The following OPCML variants were observed in gnomAD, a reference collection of about 807,000 sequenced individuals.
The protein encoded by OPCML is opioid binding protein/cell adhesion molecule like.
Under a neutral mutation model 37.8 loss-of-function variants are expected in OPCML, and 13 were observed. The observed-to-expected ratio is 0.34, with a 90% CI of 0.22 to 0.55. OPCML has a LOEUF of 0.55. OPCML is among the 20% of genes least tolerant of loss of function. OPCML has a pLI of 0.91. For missense variants in OPCML, 341 were observed against 435.6 expected (o/e 0.78, Z 1.93); for synonymous variants, 176 against 168.8 (o/e 1.04, Z -0.33).
At chr11:132,834,895 T>C (rs541952096) in intron 2 of OPCML, among the ~76,000 whole-genome samples, 26 of 152,062 alleles carry the variant, frequency 1.7e-4, no homozygotes, top group Non-Finnish European at 3.5e-4. Flanking sequence ...AAAGACACAT[T>C]TGGGGTTGTA....
intron 1 of OPCML, among the ~76,000 whole-genome samples, chr11:133,239,298 C>T (rs890237267): frequency 8.5e-5 from 13 of 152,316 alleles, no homozygotes; most frequent in Middle Eastern, 3.4e-3. Flanking sequence ...GTGGAGGATG[C>T]AACAACCTTG....
At chr11:132,617,966 C>T (rs2137893290) in intron 3 of OPCML, among the ~76,000 whole-genome samples, 1 of 152,266 alleles carries the variant, frequency 6.6e-6, no homozygotes, top group African/African-American at 2.4e-5. Flanking sequence ...ATAACAGGTA[C>T]CAAGTAAGAT....
chr11:133,441,900 A>T (rs1348331638), intron 1 of OPCML, among the ~76,000 whole-genome samples: 1 of 152,198 alleles, frequency 6.6e-6, no homozygotes, highest in African/African-American at 2.4e-5. Flanking sequence ...AAATTATGTT[A>T]AAAGGTAATT....
chr11:132,487,223 T>C (rs1245934913), intron 4 of OPCML, among the ~76,000 whole-genome samples: 1 of 152,220 alleles, frequency 6.6e-6, no homozygotes, highest in Non-Finnish European at 1.5e-5. Context: ...CAGCCCATCA[T>C]GTACAATGAC....
chr11:132,811,477 A>T (rs957440352), intron 2 of OPCML, among the ~76,000 whole-genome samples: 1 of 152,208 alleles, frequency 6.6e-6, no homozygotes, highest in Non-Finnish European at 1.5e-5. Flanking sequence ...GCAGTTTTCT[A>T]GAAGAGCCTG....
At chr11:133,193,865 TA>T (rs1429070493) in intron 1 of OPCML, among the ~76,000 whole-genome samples, 1 of 152,090 alleles carries the variant, frequency 6.6e-6, no homozygotes, top group East Asian at 1.9e-4. Flanking sequence ...TTTTAAGAAT[TA>T]CAATAATAAC....
Position 133,162,261 on chromosome 11 carries a change from C to T in OPCML, c.62-219251G>A, listed in dbSNP as rs969943462. 1.3e-5 allele frequency among the ~76,000 whole-genome samples: 2 copies of T among 152,010 alleles called. 1 individual carries two copies. The highest frequency in any genetic ancestry group is 4.1e-4 in the South Asian group (2 of 4,824). On this transcript the variant is annotated intron_variant, in intron 1 of 7. Coordinates refer to ENST00000524381, the MANE Select transcript of OPCML (RefSeq NM_001012393.5). ...ATGGCCTCACAGGCCATGAAATGGG[C>T]GATATCCTTTGAGACGTGCAGGACA...
chr11:132,529,393 G>A (rs374010149), intron 3 of OPCML: 10 of 181,596 alleles, frequency 5.5e-5, no homozygotes, highest in African/African-American at 7.1e-5. Context: ...ATACCTTGGC[G>A]ATAGCAGGAG....
chr11:133,175,534 G>A (rs181075349), intron 1 of OPCML, among the ~76,000 whole-genome samples: 40 of 149,776 alleles, frequency 2.7e-4, no homozygotes, highest in Admixed American at 2.4e-3. Context: ...TGCAACCCAC[G>A]ACAGGTTACA....
At chr11:132,810,101 A>G (rs933236938) in intron 2 of OPCML, among the ~76,000 whole-genome samples, 2 of 152,000 alleles carry the variant, frequency 1.3e-5, no homozygotes, top group African/African-American at 2.4e-5. Flanking sequence ...CGCCCGCCTC[A>G]GCCTCCCAAA....
chr11:132,970,429 G>A (rs1277414649), intron 1 of OPCML, among the ~76,000 whole-genome samples: 1 of 152,010 alleles, frequency 6.6e-6, no homozygotes, highest in Non-Finnish European at 1.5e-5. Flanking sequence ...TTTAAAAGAA[G>A]ATCAACCTAT....
rs11389495 is a variant in OPCML, at chr11:132,730,008, C to CTTTT, written c.147-72693_147-72690dup. On this transcript the variant is annotated intron_variant, in intron 2 of 7. Coordinates refer to ENST00000524381, the MANE Select transcript of OPCML (RefSeq NM_001012393.5). The stretch of plus-strand genomic sequence containing the variant: ...TTTACCAATGCAGTCTTCTATGTGA[C>CTTTT]TTTTTTTTTTTTTTTTTTTTTTTGA... Among the ~76,000 whole-genome samples, 619 of 88,454 alleles carry CTTTT rather than the reference C, an allele frequency of 7.0e-3. 13 individuals are homozygous for CTTTT. The highest frequency in any genetic ancestry group is 0.01 in the Middle Eastern group (1 of 98). The allele number at this position is 88,454 out of a possible 152,430, so 58.0% of individuals were successfully genotyped here. A position where few individuals can be genotyped will look rare whatever the true frequency, so the allele number is the denominator to read the frequency against.
intron 2 of OPCML, among the ~76,000 whole-genome samples, chr11:132,659,949 T>C (rs931228729): frequency 6.6e-6 from 1 of 152,164 alleles, no homozygotes; most frequent in Non-Finnish European, 1.5e-5. Flanking sequence ...CAACCAAAAA[T>C]ATACAGAGAT....
chr11:132,516,940 C>T (rs490435), intron 4 of OPCML, among the ~76,000 whole-genome samples: 15,761 of 152,106 alleles, frequency 0.1, 994 homozygotes, highest in South Asian at 0.17. Flanking sequence ...TAAATCCAGC[C>T]ACAAGTTCTT....
chr11:132,878,373 G>A (rs1281635214), intron 2 of OPCML, among the ~76,000 whole-genome samples: 1 of 152,174 alleles, frequency 6.6e-6, no homozygotes, highest in Non-Finnish European at 1.5e-5. Context: ...CCTCCCTAAT[G>A]TGGATGGGCC....
At chr11:132,508,281 C>T (rs1565622750) in intron 4 of OPCML, among the ~76,000 whole-genome samples, 1 of 152,066 alleles carries the variant, frequency 6.6e-6, no homozygotes, top group Non-Finnish European at 1.5e-5. Context: ...GACCAATTGC[C>T]CTCATGAACA....
intron 1 of OPCML, among the ~76,000 whole-genome samples, chr11:133,411,195 C>T (rs754031134): frequency 6.6e-6 from 1 of 152,066 alleles, no homozygotes; most frequent in Admixed American, 6.6e-5. Context: ...CTAAAGAGGG[C>T]ATGAATAATG....
intron 3 of OPCML, among the ~76,000 whole-genome samples, chr11:132,647,395 A>C (rs1941207771): frequency 6.6e-6 from 1 of 152,216 alleles, no homozygotes; most frequent in Admixed American, 6.5e-5. Flanking sequence ...GGCTGGGGGT[A>C]ATGACCCCCA....
At chr11:132,626,086 C>G (rs1309824179) in intron 3 of OPCML, among the ~76,000 whole-genome samples, 1 of 151,820 alleles carries the variant, frequency 6.6e-6, no homozygotes, top group Non-Finnish European at 1.5e-5. Context: ...GAGCTTGCAG[C>G]ATTTGGTATA....
Sources: allele counts gnomAD v4.1 joint callset (sites outside exome capture counted in the v4.1 genomes callset), GRCh38; gene constraint gnomAD v4.1.1; transcripts MANE v1.5; gene names NCBI Gene and HGNC (gene_info 2026-07-23, HGNC 2026-07-21).